The following PGLYRP4 variants were observed in gnomAD, a reference collection of about 807,000 sequenced individuals.
The protein encoded by PGLYRP4 is PGRP-I-beta.
PGLYRP4 carries 39 observed loss-of-function variants against 41.2 expected under a neutral mutation model. The observed-to-expected ratio is 0.95, with a 90% CI of 0.73 to 1.24. The LOEUF (loss-of-function observed/expected upper bound fraction) is 1.24, where lower values mean the gene tolerates loss of function less well. Among genes scored for constraint, PGLYRP4 ranks in the 50% most tolerant of loss-of-function variants. PGLYRP4 has a pLI of 0.00. For synonymous variants in PGLYRP4, 202 were observed against 186.8 expected, an observed-to-expected ratio of 1.08 and a Z score of -0.66; for missense variants, 467 against 460.7, an observed-to-expected ratio of 1.01 and a Z score of -0.13.
Position 153,337,281 on chromosome 1 carries a change from A to T in PGLYRP4, c.843T>A (p.Asp281Glu). The stretch of plus-strand genomic sequence containing the variant: ...AGCCCACCCCTTCATAAATGGCGCC[A>T]TCCTGGCCCACCAGGAAGCTAGAGG... The part of the protein sequence containing the change: ...DIGYNFLVGQ[D>E]GAIYEGVGWN... Residue 281 changes from aspartate (D) to glutamate (E), a missense_variant, in exon 8 of 9, where the codon GAT becomes GAA. Asp to Glu is a conservative substitution (Grantham distance 45). Coordinates refer to ENST00000359650, the MANE Select transcript of PGLYRP4 (RefSeq NM_020393.4). 2 of 1,609,052 alleles carry T rather than the reference A, an allele frequency of 1.2e-6. No homozygotes were observed. Among genetic ancestry groups the T allele is most frequent in the Non-Finnish European group, 1.7e-6 (2 of 1,177,980 alleles).
intron 3 of PGLYRP4, 97 bp from the exon 4 acceptor site, chr1:153,345,479 G>A: frequency 9.1e-7 from 1 of 1,103,268 alleles, no homozygotes; most frequent in Admixed American, 1.8e-5. Flanking sequence ...CTTGGTAGTG[G>A]AAGAGCCTTC....
chr1:153,340,470 G>C lies in PGLYRP4; in HGVS notation c.735C>G (p.Thr245=). 6.2e-7 allele frequency: 1 copy of C among 1,614,204 alleles called. No individual in the cohort carries two copies. The highest frequency in any genetic ancestry group is 8.5e-7 in the Non-Finnish European group (1 of 1,180,040). The change falls in exon 7 of 9, where the codon ACC becomes ACG. Residue 245 remains threonine (T), a synonymous_variant. Transcript: ENST00000359650. ...YGIIIHTAGR[T]CNISDECRLL... ...GGCGGCACTCATCAGAAATGTTGCA[G>C]GTCCTCCCGGCAGTGTGGATAATGA...
At chr1:153,340,234 G>T in intron 7 of PGLYRP4, 147 bp downstream of exon 7, 1 of 697,308 alleles carries the variant, frequency 1.4e-6, no homozygotes, top group Non-Finnish European at 2.5e-6. Flanking sequence ...CCCAGGCAGG[G>T]TCGTGTGATG....
At chr1:153,342,296 G>A (rs558021414) in intron 5 of PGLYRP4, among the ~76,000 whole-genome samples, 1 of 152,322 alleles carries the variant, frequency 6.6e-6, no homozygotes, top group East Asian at 1.9e-4. Flanking sequence ...TAAACACAGA[G>A]TCCTCTGGAG....
intron 8 of PGLYRP4, among the ~76,000 whole-genome samples, chr1:153,333,614 C>T (rs75845934): frequency 0.015 from 2,247 of 152,176 alleles, 48 homozygotes; most frequent in African/African-American, 0.052. Flanking sequence ...ACAACAACAA[C>T]AACCAAAACT....
intron 8 of PGLYRP4, among the ~76,000 whole-genome samples, chr1:153,335,409 A>G (rs938975735): frequency 3.9e-5 from 6 of 152,224 alleles, no homozygotes; most frequent in African/African-American, 1.4e-4. Context: ...TCAAAAGAAG[A>G]CATGCTAGCA....
intron 5 of PGLYRP4, among the ~76,000 whole-genome samples, chr1:153,342,096 C>T (rs1660827408): frequency 6.6e-6 from 1 of 152,178 alleles, no homozygotes; most frequent in Admixed American, 6.5e-5. Context: ...GAAGGGGCCC[C>T]TCCAGGCATG....
In PGLYRP4 at chr1:153,343,105, A is replaced by AG; in HGVS notation, c.456dup (p.Phe153LeufsTer4). 1 of 1,609,882 alleles carries AG rather than the reference A, an allele frequency of 6.2e-7. No homozygotes were observed. Among genetic ancestry groups the AG allele is most frequent in the Admixed American group, 1.7e-5 (1 of 60,014 alleles). On this transcript the variant is annotated frameshift_variant, in exon 5 of 9. Coordinates refer to ENST00000359650, the MANE Select transcript of PGLYRP4 (RefSeq NM_020393.4). LOFTEE classifies it high-confidence loss of function. ...TAACTGTTACCTTTCTTAGTGCCAA[A>AG]GAAGGCAAAGCCCAGGGAGATGTTG...
At chr1:153,344,883 T>G in intron 4 of PGLYRP4, 1 of 279,964 alleles carries the variant, frequency 3.6e-6, no homozygotes, top group South Asian at 5.4e-5. Flanking sequence ...TATGAGGAAG[T>G]CGTTTGCAAT....
intron 8 of PGLYRP4, among the ~76,000 whole-genome samples, chr1:153,333,785 C>T (rs949918361): frequency 6.6e-6 from 1 of 152,142 alleles, no homozygotes; most frequent in East Asian, 1.9e-4. Flanking sequence ...AAATGTGATT[C>T]ACCACATAAG....
At chr1:153,347,844 C>T in intron 2 of PGLYRP4, 40 bp downstream of exon 2, 6 of 1,431,542 alleles carry the variant, frequency 4.2e-6, no homozygotes, top group Middle Eastern at 1.8e-4. Flanking sequence ...TTAGGATCAC[C>T]CTTCTCGGTT....
chr1:153,346,121 G>T lies in PGLYRP4; in HGVS notation c.120C>A (p.Ile40=), dbSNP rs1660998109. 1.9e-6 allele frequency: 3 copies of T among 1,612,992 alleles called. No homozygotes were observed. Among genetic ancestry groups the T allele is most frequent in the African/African-American group, 2.7e-5 (2 of 74,888 alleles). ...GTTTACCTTTTTCAGTGAGCTGGGA[G>T]ATGTTCTCAAATAGGTACTGGAGCC... ...SEGLQYLFEN[I]SQLTEKGLPT... The change falls in exon 3 of 9, where the codon ATC becomes ATA. Residue 40 remains isoleucine (I), a synonymous_variant. Transcript: ENST00000359650.
At chr1:153,347,629 C>T (rs999178152) in intron 2 of PGLYRP4, among the ~76,000 whole-genome samples, 18 of 152,142 alleles carry the variant, frequency 1.2e-4, no homozygotes, top group African/African-American at 4.3e-4. Flanking sequence ...ACCTAGGCCT[C>T]CCAAAGTGCT....
intron 8 of PGLYRP4, among the ~76,000 whole-genome samples, chr1:153,331,361 G>A (rs1245714489): frequency 3.9e-5 from 6 of 152,048 alleles, no homozygotes; most frequent in Admixed American, 2.0e-4. Context: ...TGACAACAAT[G>A]AATTATCTGA....
At chr1:153,335,009 G>A (rs780008052) in intron 8 of PGLYRP4, among the ~76,000 whole-genome samples, 2 of 152,054 alleles carry the variant, frequency 1.3e-5, no homozygotes, top group African/African-American at 4.8e-5. Flanking sequence ...ACATGCAGAA[G>A]AATGAAACTA....
chr1:153,334,727 A>G (rs1660477462), intron 8 of PGLYRP4, among the ~76,000 whole-genome samples: 2 of 152,116 alleles, frequency 1.3e-5, no homozygotes, highest in Non-Finnish European at 2.9e-5. Flanking sequence ...TGGAACTAAG[A>G]AAGAACCCAA....
At chr1:153,341,255 AT>A (rs1349025333) in intron 6 of PGLYRP4, among the ~76,000 whole-genome samples, 2 of 152,038 alleles carry the variant, frequency 1.3e-5, no homozygotes, top group African/African-American at 2.4e-5. Context: ...TTATTTGCTT[AT>A]TGTCTTTCTC....
intron 2 of PGLYRP4, among the ~76,000 whole-genome samples, chr1:153,346,962 C>T (rs183506566): frequency 2.0e-5 from 3 of 152,292 alleles, no homozygotes; most frequent in East Asian, 3.9e-4. Context: ...AGAGGCAGAG[C>T]GAGGACTTGA....
chr1:153,337,046 G>A, intron 8 of PGLYRP4, 135 bp downstream of exon 8: 1 of 765,104 alleles, frequency 1.3e-6, no homozygotes, highest in Admixed American at 2.0e-5. Context: ...TGAGTCAAAT[G>A]TTGGATTGGA....
Sources: gnomAD v4.1 joint callset for allele counts (sites outside exome capture counted in the v4.1 genomes callset) on GRCh38, gnomAD v4.1.1 for gene constraint, MANE v1.5 for transcripts, NCBI Gene and HGNC (gene_info 2026-07-23, HGNC 2026-07-21) for gene names.